The following TBC1D4 variants were observed in gnomAD, a reference collection of about 807,000 sequenced individuals.
TBC1D4 encodes TBC (Tre-2, BUB2, CDC16) domain-containing protein.
A neutral mutation model predicts 142.5 loss-of-function variants in TBC1D4; 121 were observed. That is an observed-to-expected ratio of 0.85 (90% confidence interval 0.73 to 0.99). The LOEUF is 0.99. Ranked by LOEUF, TBC1D4 falls within the 50% of genes least tolerant of loss-of-function variation. The probability of loss-of-function intolerance (pLI) is 0.00; values close to 1 mark genes in which losing one functional copy is unlikely to be tolerated. For synonymous variants in TBC1D4, 630 were observed against 628.2 expected, an observed-to-expected ratio of 1.00 and a Z score of -0.04; for missense variants, 1,475 against 1,606.6, an observed-to-expected ratio of 0.92 and a Z score of 1.40.
chr13:75,460,027 C>T (rs1832458150), intron 1 of TBC1D4, among the ~76,000 whole-genome samples: 1 of 152,042 alleles, frequency 6.6e-6, no homozygotes, highest in Admixed American at 6.5e-5. Flanking sequence ...ACTGTAGTCC[C>T]AGCTACTTGG....
chr13:75,429,736 A>C (rs992162924), intron 1 of TBC1D4, among the ~76,000 whole-genome samples: 5 of 152,152 alleles, frequency 3.3e-5, no homozygotes, highest in Non-Finnish European at 7.4e-5. Context: ...ATTGGAAAAA[A>C]TTTAGGAAGA....
chr13:75,332,559 C>T (rs1415798663), intron 8 of TBC1D4, among the ~76,000 whole-genome samples: 1 of 143,618 alleles, frequency 7.0e-6, no homozygotes, highest in Non-Finnish European at 1.5e-5. Context: ...ATCAGCCTCA[C>T]CTGGAAGGCT....
intron 18 of TBC1D4, among the ~76,000 whole-genome samples, chr13:75,293,936 C>CA (rs200523761): frequency 0.014 from 2,124 of 152,256 alleles, 51 homozygotes; most frequent in African/African-American, 0.048. Flanking sequence ...TACAATTTGA[C>CA]AAAAAGCTCC....
intron 14 of TBC1D4, among the ~76,000 whole-genome samples, chr13:75,308,640 G>C (rs1377081389): frequency 6.6e-6 from 1 of 151,996 alleles, no homozygotes; most frequent in African/African-American, 2.4e-5. Flanking sequence ...AATTTTTTGA[G>C]GAAAGGATGA....
intron 12 of TBC1D4, among the ~76,000 whole-genome samples, chr13:75,318,374 G>C (rs1393046124): frequency 6.6e-6 from 1 of 152,168 alleles, no homozygotes; most frequent in Admixed American, 6.5e-5. Context: ...TATCTCTGAA[G>C]TCCAAATAAA....
chr13:75,336,886 T>C (rs1471229569), intron 8 of TBC1D4, 35 bp downstream of exon 8: 2 of 1,613,158 alleles, frequency 1.2e-6, no homozygotes, highest in Non-Finnish European at 1.7e-6. Context: ...AAAACACAGA[T>C]ATGCATACTT....
intron 1 of TBC1D4, among the ~76,000 whole-genome samples, chr13:75,395,847 A>AAAAT (rs1884769446): frequency 6.6e-6 from 1 of 152,118 alleles, no homozygotes; most frequent in Non-Finnish European, 1.5e-5. Flanking sequence ...TAAATACATA[A>AAAAT]AAATAAATAA....
chr13:75,380,532 A>G (rs1014942379), intron 1 of TBC1D4, among the ~76,000 whole-genome samples: 4 of 119,564 alleles, frequency 3.3e-5, no homozygotes, highest in Admixed American at 8.7e-5. Flanking sequence ...AATGAACTAG[A>G]TAAGATTTTT....
intron 14 of TBC1D4, among the ~76,000 whole-genome samples, chr13:75,307,492 T>C (rs1312425204): frequency 6.6e-6 from 1 of 152,120 alleles, no homozygotes. Context: ...AGTATACTTC[T>C]TCTCTTCATT....
intron 8 of TBC1D4, among the ~76,000 whole-genome samples, chr13:75,330,152 C>G (rs1245666031): frequency 6.6e-6 from 1 of 152,128 alleles, no homozygotes; most frequent in Non-Finnish European, 1.5e-5. Context: ...CCTTGTTCTC[C>G]TATTTTCCAT....
rs183398942 is a variant in TBC1D4, at chr13:75,336,630, A to C, written c.1731+291T>G. Among the ~76,000 whole-genome samples the C allele has an allele frequency of 2.1e-3, 322 of 151,862 alleles. 3 individuals carry two copies. The highest frequency in any genetic ancestry group is 7.5e-3 in the African/African-American group (312 of 41,368). On this transcript the variant is annotated intron_variant, in intron 8 of 20. Coordinates refer to ENST00000377636, the MANE Select transcript of TBC1D4 (RefSeq NM_014832.5). ...GAGTCTGAGGCGGGAGATCTCCACT[A>C]CTCGAGAGGCTGAGGCAGGAGAATC...
At chr13:75,386,624 G>A (rs189849428) in intron 1 of TBC1D4, among the ~76,000 whole-genome samples, 183 of 151,944 alleles carry the variant, frequency 1.2e-3, no homozygotes, top group African/African-American at 4.1e-3. Context: ...TCCTGACCTC[G>A]TGATCCACCC....
intron 1 of TBC1D4, among the ~76,000 whole-genome samples, chr13:75,432,547 T>C (rs1484236472): frequency 6.6e-6 from 1 of 152,140 alleles, no homozygotes; most frequent in Non-Finnish European, 1.5e-5. Context: ...AAGGCAATGT[T>C]TGACCTGGAG....
In TBC1D4 at chr13:75,324,381, C is replaced by A. The variant is rs370935722; in HGVS notation, c.2054G>T (p.Arg685Leu). The A allele has an allele frequency of 1.9e-6, 3 of 1,613,860 alleles. No individual in the cohort carries two copies. The highest frequency in any genetic ancestry group is 2.7e-5 in the African/African-American group (2 of 75,002). ...EQCSNLSSVR[R>L]MYKESNSSSS... Reference sequence around the variant, plus strand: ...GGAAGAATTACTCTCCTTGTACATGCGTCGAACTGACGAAAGATTGCTGAG... The same window carrying A: ...GGAAGAATTACTCTCCTTGTACATGAGTCGAACTGACGAAAGATTGCTGAG... The change falls in exon 11 of 21, where the codon CGC becomes CTC. Residue 685 changes from arginine (R) to leucine (L), a missense_variant. Coordinates refer to ENST00000377636, the MANE Select transcript of TBC1D4 (RefSeq NM_014832.5).
chr13:75,457,144 A>G (rs1887770618), intron 1 of TBC1D4, among the ~76,000 whole-genome samples: 1 of 152,212 alleles, frequency 6.6e-6, no homozygotes, highest in Admixed American at 6.5e-5. Context: ...CAACTGGAAG[A>G]GGGTACAAGA....
At chr13:75,466,308 A>G (rs1271159858) in intron 1 of TBC1D4, among the ~76,000 whole-genome samples, 1 of 152,218 alleles carries the variant, frequency 6.6e-6, no homozygotes, top group African/African-American at 2.4e-5. Context: ...TTCAAAACAG[A>G]GAACGATGTG....
chr13:75,476,691 G>A (rs1888643246), intron 1 of TBC1D4, among the ~76,000 whole-genome samples: 1 of 152,174 alleles, frequency 6.6e-6, no homozygotes, highest in South Asian at 2.1e-4. Context: ...TTTCAAGTCT[G>A]AGAAAGACTA....
intron 5 of TBC1D4, among the ~76,000 whole-genome samples, chr13:75,344,935 T>C (rs943770457): frequency 6.6e-6 from 1 of 152,366 alleles, no homozygotes; most frequent in East Asian, 1.9e-4. Flanking sequence ...GTGATCCTTC[T>C]TCCAGCTTTG....
chr13:75,380,823 C>T (rs906958356), intron 1 of TBC1D4, among the ~76,000 whole-genome samples: 1 of 152,148 alleles, frequency 6.6e-6, no homozygotes, highest in African/African-American at 2.4e-5. Flanking sequence ...TCCAAATGAA[C>T]AGAAGAGGAG....
Sources: allele counts gnomAD v4.1 joint callset (sites outside exome capture counted in the v4.1 genomes callset), GRCh38; gene constraint gnomAD v4.1.1; transcripts MANE v1.5; gene names NCBI Gene and HGNC (gene_info 2026-07-23, HGNC 2026-07-21).